GPC6: variants seen among roughly 807,000 people sequenced by gnomAD.
GPC6 encodes the protein glypican 6, also known as glypican-6.
Under a neutral mutation model 55.2 loss-of-function variants are expected in GPC6, and 14 were observed. The observed-to-expected ratio is 0.25, with a 90% CI of 0.17 to 0.40. The LOEUF (loss-of-function observed/expected upper bound fraction) is 0.40. GPC6 is among the 10% of genes least tolerant of loss of function. The pLI is 1.00. For synonymous variants in GPC6, 278 were observed against 259.6 expected (o/e 1.07, Z -0.68); for missense variants, 641 against 708.5 (o/e 0.90, Z 1.08).
chr13:93,886,425 G>T (rs1484959198), intron 3 of GPC6, among the ~76,000 whole-genome samples: 1 of 151,968 alleles, frequency 6.6e-6, no homozygotes, highest in South Asian at 2.1e-4. Context: ...TCTAATGGCT[G>T]TTTCCCACTG....
Position 93,227,542 on chromosome 13 carries a change from G to C in GPC6, c.86G>C (p.Ser29Thr), listed in dbSNP as rs1189170277. The C allele has an allele frequency of 1.2e-6, 2 of 1,613,424 alleles. No individual in the cohort carries two copies. Among genetic ancestry groups the C allele is most frequent in the Non-Finnish European group, 1.7e-6 (2 of 1,179,688 alleles). The part of the protein sequence containing the change: ...LPAGADVKAR[S>T]CGEVRQAYGA... ...GCCGGGGCGGATGTGAAGGCTCGGA[G>C]CTGCGGAGAGGTCCGCCAGGCGTAC... The change falls in exon 1 of 9, where the codon AGC (serine) becomes ACC (threonine). Residue 29 changes from serine to threonine, a missense_variant. Coordinates refer to ENST00000377047, the MANE Select transcript of GPC6 (RefSeq NM_005708.5). The surrounding 1 kb of genome is among the most constrained non-coding windows in gnomAD (Gnocchi z 4.3).
At chr13:93,326,116 G>A (rs1412108700) in intron 1 of GPC6, among the ~76,000 whole-genome samples, 1 of 152,124 alleles carries the variant, frequency 6.6e-6, no homozygotes, top group Non-Finnish European at 1.5e-5. Flanking sequence ...GAAAACAGGA[G>A]GAGAAAGAGG....
At chr13:94,368,180 G>A (rs779112901) in intron 6 of GPC6, among the ~76,000 whole-genome samples, 2 of 147,536 alleles carry the variant, frequency 1.4e-5, no homozygotes, top group Non-Finnish European at 3.0e-5. Context: ...CCACACCACC[G>A]CGAAAATATA....
At chr13:94,062,268 T>G (rs1884357756) in intron 4 of GPC6, among the ~76,000 whole-genome samples, 1 of 152,140 alleles carries the variant, frequency 6.6e-6, no homozygotes. Context: ...TTTTTTCTTT[T>G]TGAGACGGAG....
chr13:93,604,768 A>C (rs2139529535), intron 2 of GPC6, among the ~76,000 whole-genome samples: 1 of 152,340 alleles, frequency 6.6e-6, no homozygotes, highest in South Asian at 2.1e-4. Flanking sequence ...TTCATTAAGA[A>C]TTTATCAGTG....
chr13:93,595,331 C>T (rs1477008868), intron 2 of GPC6, among the ~76,000 whole-genome samples: 1 of 152,108 alleles, frequency 6.6e-6, no homozygotes, highest in Non-Finnish European at 1.5e-5. Context: ...TGATCAAGTA[C>T]TTGAAATATT....
Position 94,079,328 on chromosome 13 carries a change from C to T in GPC6, c.877+51434C>T, listed in dbSNP as rs138682867. Among the ~76,000 whole-genome samples, 765 of 152,096 alleles carry T rather than the reference C, an allele frequency of 5.0e-3. 3 individuals are homozygous for T. The highest frequency in any genetic ancestry group is 8.5e-3 in the Non-Finnish European group (580 of 67,942). On this transcript the variant is annotated intron_variant, in intron 4 of 8. Coordinates refer to ENST00000377047, the MANE Select transcript of GPC6 (RefSeq NM_005708.5). ...AGATAGAACTGCCAATTAAATTCTG[C>T]GATCCTTTCCATTTCAGAAGTAAAC... is the stretch of plus-strand genomic sequence containing the variant.
At chr13:93,937,818 A>T (rs760378991) in intron 3 of GPC6, among the ~76,000 whole-genome samples, 11 of 152,126 alleles carry the variant, frequency 7.2e-5, no homozygotes, top group Non-Finnish European at 1.3e-4. Context: ...ACCCCAAGTG[A>T]TCCTTCTGCC....
At chr13:93,949,874 A>C (rs1444361279) in intron 3 of GPC6, among the ~76,000 whole-genome samples, 1 of 151,958 alleles carries the variant, frequency 6.6e-6, no homozygotes, top group African/African-American at 2.4e-5. Context: ...CTACGACTGC[A>C]TACCACCACC....
At chr13:94,057,399 C>A (rs1884167157) in intron 4 of GPC6, among the ~76,000 whole-genome samples, 1 of 152,146 alleles carries the variant, frequency 6.6e-6, no homozygotes, top group Non-Finnish European at 1.5e-5. Context: ...TTCATTGAGA[C>A]TATTATCACA....
chr13:94,169,964 G>A (rs1315569085), intron 4 of GPC6, among the ~76,000 whole-genome samples: 3 of 152,132 alleles, frequency 2.0e-5, no homozygotes, highest in African/African-American at 4.8e-5. Context: ...TTGGGCAGGC[G>A]GGACCTCTGG....
chr13:93,655,818 T>C (rs1428339667), intron 2 of GPC6, among the ~76,000 whole-genome samples: 3 of 152,180 alleles, frequency 2.0e-5, no homozygotes, highest in African/African-American at 7.2e-5. Flanking sequence ...TTTCCTAAAT[T>C]AGCTTGGTTA....
intron 4 of GPC6, among the ~76,000 whole-genome samples, chr13:94,174,053 A>G (rs1472382334): frequency 6.6e-6 from 1 of 152,150 alleles, no homozygotes; most frequent in African/African-American, 2.4e-5. Context: ...TACTAGTTAC[A>G]TATGATTTTA....
intron 4 of GPC6, among the ~76,000 whole-genome samples, chr13:94,208,454 T>G (rs911119924): frequency 6.6e-6 from 1 of 152,052 alleles, no homozygotes; most frequent in Admixed American, 6.6e-5. Flanking sequence ...ATGGAAAACT[T>G]TTGGAAGGAG....
chr13:93,299,511 A>G (rs1878604531), intron 1 of GPC6, among the ~76,000 whole-genome samples: 1 of 152,232 alleles, frequency 6.6e-6, no homozygotes, highest in African/African-American at 2.4e-5. Context: ...AATAATGGTT[A>G]AGAATTGGGT....
intron 3 of GPC6, among the ~76,000 whole-genome samples, chr13:93,838,483 C>T (rs532396763): frequency 1.6e-4 from 25 of 152,030 alleles, no homozygotes; most frequent in Admixed American, 8.5e-4. Context: ...GAAATGAGGC[C>T]GGGAAGTAGA....
At chr13:93,598,221 C>T (rs6492670) in intron 2 of GPC6, among the ~76,000 whole-genome samples, 14,075 of 152,164 alleles carry the variant, frequency 0.092, 2,150 homozygotes, top group African/African-American at 0.31. Context: ...CTCTAACCCC[C>T]ACAGTATTCA....
intron 1 of GPC6, among the ~76,000 whole-genome samples, chr13:93,465,629 C>A (rs895484366): frequency 7.2e-5 from 11 of 152,294 alleles, no homozygotes; most frequent in Non-Finnish European, 1.3e-4. Context: ...CTGGTTTGAT[C>A]TTCTATGTAG....
At chr13:93,899,283 T>C (rs990347204) in intron 3 of GPC6, among the ~76,000 whole-genome samples, 5 of 152,048 alleles carry the variant, frequency 3.3e-5, no homozygotes, top group African/African-American at 1.2e-4. Context: ...AAGATATGTT[T>C]GACAAGGGAG....
Sources: gnomAD v4.1 joint callset for allele counts (sites outside exome capture counted in the v4.1 genomes callset) on GRCh38, gnomAD v4.1.1 for gene constraint, Gnocchi (gnomAD v3.1) non-coding constraint, MANE v1.5 for transcripts, NCBI Gene and HGNC (gene_info 2026-07-23, HGNC 2026-07-21) for gene names.